Variants in HEXB observed in about 807,000 individuals in gnomAD.
HEXB encodes the protein hexosaminidase subunit beta.
A neutral mutation model predicts 71.2 loss-of-function variants in HEXB; 51 were observed. The observed-to-expected ratio is 0.72, with a 90% confidence interval of 0.57 to 0.90. The LOEUF (loss-of-function observed/expected upper bound fraction) is 0.90. Among genes scored for constraint, HEXB ranks in the 40% least tolerant of loss-of-function variants. HEXB has a pLI of 0.00. For missense variants in HEXB, 617 were observed against 677.0 expected, an observed-to-expected ratio of 0.91 and a Z score of 0.98; for synonymous variants, 266 against 249.3, an observed-to-expected ratio of 1.07 and a Z score of -0.63.
chr5:74,674,983 G>A (rs1418192996), intron 1 of HEXB, among the ~76,000 whole-genome samples: 3 of 152,042 alleles, frequency 2.0e-5, no homozygotes, highest in Non-Finnish European at 4.4e-5. Context: ...ATAAGTTGTG[G>A]TAAAGAAAAA....
At chr5:74,670,749 C>G (rs1561208232) in intron 1 of HEXB, among the ~76,000 whole-genome samples, 1 of 152,196 alleles carries the variant, frequency 6.6e-6, no homozygotes, top group Non-Finnish European at 1.5e-5. Context: ...CACTGCATTC[C>G]TCTTGTTTAG....
chr5:74,712,076 A>G (rs1409310613), intron 6 of HEXB, among the ~76,000 whole-genome samples: 1 of 144,404 alleles, frequency 6.9e-6, no homozygotes, highest in East Asian at 2.0e-4. Context: ...TGTGGCACAT[A>G]TACACCATGG....
chr5:74,647,230 C>G lies in HEXB; in HGVS notation c.-377+6672C>G, dbSNP rs987247529. Reference sequence around the variant, plus strand: ...TAAGTAATTACATTCAACAATTGACCGTTGTTTGAAGCAATGAAAATGCAG... The same window carrying G: ...TAAGTAATTACATTCAACAATTGACGGTTGTTTGAAGCAATGAAAATGCAG... On this transcript the variant is annotated intron_variant, in intron 1 of 13. Coordinates refer to the HEXB transcript ENST00000511181. Among the ~76,000 whole-genome samples, 4 of 152,172 alleles carry G rather than the reference C, an allele frequency of 2.6e-5. No homozygotes were observed. The East Asian group carries it at 5.8e-4, about 22-fold the overall frequency.
At chr5:74,718,518 A>C (rs1355602999) in intron 10 of HEXB, among the ~76,000 whole-genome samples, 155 bp downstream of exon 10, 1 of 152,206 alleles carries the variant, frequency 6.6e-6, no homozygotes, top group African/African-American at 2.4e-5. Context: ...GTTTGGTAGA[A>C]ATAAGACTAA....
chr5:74,671,110 A>G (rs1377994771), intron 1 of HEXB, among the ~76,000 whole-genome samples: 5 of 152,154 alleles, frequency 3.3e-5, no homozygotes, highest in African/African-American at 1.2e-4. Flanking sequence ...AGGGTGGTAC[A>G]CAGAAAGACT....
intron 1 of HEXB, among the ~76,000 whole-genome samples, chr5:74,653,277 T>TA (rs569612896): frequency 5.8e-4 from 89 of 152,306 alleles, no homozygotes; most frequent in Middle Eastern, 3.4e-3. Context: ...TGCTAAAGTT[T>TA]AAAAAAAGTA....
rs1223151716 is a variant in HEXB at position 74,672,646 on chromosome 5, G to A, written c.-376-16682G>A. ...GGGCAGGCTGACATGCCAACTGACA[G>A]CAATGCCCTCTTAGCAAACCCTGCA... On this transcript the variant is annotated intron_variant, in intron 1 of 13. Transcript: ENST00000511181. 3.3e-5 allele frequency among the ~76,000 whole-genome samples: 5 copies of A among 152,326 alleles called. No homozygotes were observed. The South Asian group carries it at 8.3e-4, about 25-fold the overall frequency.
At chr5:74,703,402 G>A (rs545255480) in intron 5 of HEXB, among the ~76,000 whole-genome samples, 50 of 152,236 alleles carry the variant, frequency 3.3e-4, no homozygotes, top group Non-Finnish European at 5.4e-4. Flanking sequence ...TCCCTGTCCC[G>A]GTCTTTTCTG....
At chr5:74,677,261 G>A (rs1748648457) in intron 1 of HEXB, among the ~76,000 whole-genome samples, 1 of 152,020 alleles carries the variant, frequency 6.6e-6, no homozygotes, top group African/African-American at 2.4e-5. Flanking sequence ...ATAAACAATT[G>A]CCCCCAAGCA....
chr5:74,716,268 AC>A (rs998904041), intron 8 of HEXB, among the ~76,000 whole-genome samples: 3 of 152,272 alleles, frequency 2.0e-5, no homozygotes, highest in African/African-American at 7.2e-5. Context: ...AAATGAGAAC[AC>A]CTTTAGTGAA....
chr5:74,717,136 G>A (rs943866867), intron 9 of HEXB, among the ~76,000 whole-genome samples: 3 of 152,098 alleles, frequency 2.0e-5, no homozygotes, highest in African/African-American at 4.8e-5. Context: ...AGCTAAGATC[G>A]CACCACTGCA....
At chr5:74,691,877 T>C (rs985341371) in intron 2 of HEXB, among the ~76,000 whole-genome samples, 2 of 152,196 alleles carry the variant, frequency 1.3e-5, no homozygotes, top group Admixed American at 6.5e-5. Context: ...AATGATATAA[T>C]TCCTTTCACA....
chr5:74,650,919 CTG>C (rs1433865641), intron 1 of HEXB, among the ~76,000 whole-genome samples: 2 of 79,382 alleles, frequency 2.5e-5, no homozygotes, highest in African/African-American at 6.7e-5. Flanking sequence ...GCGTGAGACT[CTG>C]TCTCAAAAAA....
At position 74,685,575 on chromosome 5, in the gene HEXB, C is replaced by T. The variant is rs1444742134; in HGVS notation, c.299+16C>T. 3.9e-6 allele frequency: 6 copies of T among 1,535,202 alleles called. No individual in the cohort carries two copies. Among genetic ancestry groups the T allele is most frequent in the South Asian group, 2.5e-5 (2 of 80,370 alleles). On this transcript the variant is annotated intron_variant, in intron 1 of 13. Coordinates refer to ENST00000261416, the MANE Select transcript of HEXB (RefSeq NM_000521.4). The stretch of plus-strand genomic sequence containing the variant: ...CGTTTCGACGGTGAGCGCTCCCGGC[C>T]CGGCCGGGAGTTGTCCTGGGGGAGG...
At chr5:74,691,313 GC>G (rs1441489579) in intron 2 of HEXB, among the ~76,000 whole-genome samples, 1 of 152,158 alleles carries the variant, frequency 6.6e-6, no homozygotes, top group African/African-American at 2.4e-5. Flanking sequence ...AAATATGCAT[GC>G]CCTGAGAAGT....
chr5:74,672,047 T>C (rs1206049176), intron 1 of HEXB, among the ~76,000 whole-genome samples: 1 of 152,256 alleles, frequency 6.6e-6, no homozygotes, highest in Non-Finnish European at 1.5e-5. Context: ...GCTTTGTTCC[T>C]GCAAAGCTTG....
At position 74,716,610 on chromosome 5, in the gene HEXB, A is replaced by G. The variant is rs749246771; in HGVS notation, c.1106A>G (p.Asp369Gly). The change falls in exon 9 of 14, where the codon GAT becomes GGT. Residue 369 changes from aspartate to glycine, a missense_variant. Transcript: ENST00000261416. ...AGGGAATCAAATCCAAAAATTCAAG[A>G]TTTCATGAGGCAAAAAGGCTTTGGC... ...KCWESNPKIQ[D>G]FMRQKGFGTD... 4.1e-5 allele frequency: 66 copies of G among 1,609,164 alleles called. No individual in the cohort carries two copies. Among genetic ancestry groups the G allele is most frequent in the Non-Finnish European group, 4.5e-5 (53 of 1,177,472 alleles).
intron 1 of HEXB, among the ~76,000 whole-genome samples, chr5:74,660,878 CAAGT>C (rs1748305306): frequency 6.6e-6 from 1 of 152,088 alleles, no homozygotes; most frequent in Admixed American, 6.6e-5. Flanking sequence ...CAACTACAGA[CAAGT>C]AAGAAAGACA....
chr5:74,656,976 G>T (rs985816104), intron 1 of HEXB, among the ~76,000 whole-genome samples: 2 of 152,082 alleles, frequency 1.3e-5, no homozygotes, highest in African/African-American at 2.4e-5. Context: ...TGCTTCGTTG[G>T]CTGTGCCCTC....
Sources: gnomAD v4.1 joint callset for allele counts (sites outside exome capture counted in the v4.1 genomes callset) on GRCh38, gnomAD v4.1.1 for gene constraint, MANE v1.5 for transcripts, NCBI Gene and HGNC (gene_info 2026-07-23, HGNC 2026-07-21) for gene names.